STARD10: variants seen among roughly 807,000 people sequenced by gnomAD.
The protein encoded by STARD10 is StAR related lipid transfer domain containing 10.
A neutral mutation model predicts 36.0 loss-of-function variants in STARD10; 24 were observed. The observed-to-expected ratio is 0.67, with a 90% CI of 0.48 to 0.94. The LOEUF (loss-of-function observed/expected upper bound fraction) is 0.94. Among genes scored for constraint, STARD10 ranks in the 40% least tolerant of loss-of-function variants. The pLI, the probability that STARD10 is intolerant of heterozygous loss-of-function variation, is 0.00. For synonymous variants in STARD10, 156 were observed against 161.9 expected, an observed-to-expected ratio of 0.96 and a Z score of 0.28; for missense variants, 335 against 396.6, an observed-to-expected ratio of 0.84 and a Z score of 1.32.
In STARD10 at chr11:72,754,972, C is replaced by T. The variant is rs73543261; in HGVS notation, c.801G>A (p.Ala267=). 3.0e-3 allele frequency: 4,844 copies of T among 1,610,836 alleles called. 140 individuals are homozygous for T. The African/African-American group carries it at 0.056, about 19-fold the overall frequency. The change falls in exon 7 of 7, where the codon GCG becomes GCA. Residue 267 remains alanine, a synonymous_variant. Coordinates refer to ENST00000334805, the MANE Select transcript of STARD10 (RefSeq NM_006645.3). ...ADSLENIDES[A]VAESREERMG... is the part of the protein sequence containing the mutation. ...TCCGCTCCTCTCTGCTCTCGGCCAC[C>T]GCGCTCTCGTCGATGTTCTCCAGTG...
intron 2 of STARD10, among the ~76,000 whole-genome samples, chr11:72,772,897 A>T (rs185645746): frequency 6.6e-6 from 1 of 151,702 alleles, no homozygotes; most frequent in Non-Finnish European, 1.5e-5. Context: ...CCGTCCCCCA[A>T]CCATGCTGCC....
At chr11:72,755,986 T>G in intron 5 of STARD10, 1 of 457,016 alleles carries the variant, frequency 2.2e-6, no homozygotes, top group Non-Finnish European at 3.9e-6. Context: ...AAAGATTACG[T>G]GGAAGAAAAC....
At chr11:72,780,159 G>A (rs956544767) in intron 2 of STARD10, 3 of 448,756 alleles carry the variant, frequency 6.7e-6, no homozygotes, top group Admixed American at 2.4e-5. Flanking sequence ...CCTTAAACCA[G>A]AGTCTTCACG....
rs373490301 is a variant in STARD10 at position 72,767,004 on chromosome 11, T to C, written c.208-7623A>G. Reference sequence around the variant, plus strand: ...GACCACTGGGGAAACCTGGCTTCAGTTGGGCTCTGAAATATCCCACAGGCT... The same window carrying C: ...GACCACTGGGGAAACCTGGCTTCAGCTGGGCTCTGAAATATCCCACAGGCT... On this transcript the variant is annotated intron_variant, in intron 2 of 6. Coordinates refer to ENST00000334805, the MANE Select transcript of STARD10 (RefSeq NM_006645.3). Among the ~76,000 whole-genome samples, 9 of 152,250 alleles carry C rather than the reference T, an allele frequency of 5.9e-5. 1 individual carries two copies. The highest frequency in any genetic ancestry group is 2.6e-4 in the Admixed American group (4 of 15,292).
intron 1 of STARD10, among the ~76,000 whole-genome samples, chr11:72,782,719 A>C (rs995118798): frequency 6.6e-6 from 1 of 152,104 alleles, no homozygotes; most frequent in Non-Finnish European, 1.5e-5. Flanking sequence ...CATCCCTTCC[A>C]GCCAGGGAGG....
chr11:72,789,379 T>C (rs1180145046), intron 1 of STARD10, among the ~76,000 whole-genome samples: 1 of 152,160 alleles, frequency 6.6e-6, no homozygotes, highest in Admixed American at 6.5e-5. Context: ...CTGGAGGCAA[T>C]GATTTCTTTC....
In STARD10 at chr11:72,758,530, G is replaced by C; in HGVS notation, c.459C>G (p.Pro153=). Residue 153 remains proline (P), a splice_region_variant and synonymous_variant, in exon 4 of 7, where the codon CCC becomes CCG. Coordinates refer to ENST00000334805, the MANE Select transcript of STARD10 (RefSeq NM_006645.3). Reference sequence around the variant, plus strand: ...CCGCAGGGAAGGCAGGTTGACTCACGGGATGTTTGACTGAGTAGTTCATAA... The same window carrying C: ...CCGCAGGGAAGGCAGGTTGACTCACCGGATGTTTGACTGAGTAGTTCATAA... The part of the protein sequence containing the change: ...YIIMNYSVKH[P]KYPPRKDLVR... 1 of 1,613,018 alleles carries C rather than the reference G, an allele frequency of 6.2e-7. No homozygotes were observed. The highest frequency in any genetic ancestry group is 8.5e-7 in the Non-Finnish European group (1 of 1,179,184).
Position 72,781,011 on chromosome 11 carries a change from C to T in STARD10, c.171G>A (p.Gln57=), listed in dbSNP as rs761224170. The T allele has an allele frequency of 3.7e-6, 6 of 1,614,084 alleles. No individual in the cohort carries two copies. The African/African-American group carries it at 4.0e-5, about 11-fold the overall frequency. The change falls in exon 2 of 7, where the codon CAG becomes CAA. Residue 57 remains glutamine (Q), a synonymous_variant. Transcript: ENST00000334805. This position sits in a 1 kb window ranked among gnomAD's most constrained non-coding sequence, Gnocchi z 4.7. Reference sequence around the variant, plus strand: ...GCAGCGTCCGATCCATCTCCACAGCCTGCACCCAGACAGACACCCCAGCCC... The same window carrying T: ...GCAGCGTCCGATCCATCTCCACAGCTTGCACCCAGACAGACACCCCAGCCC... ...YSRAGVSVWV[Q]AVEMDRTLHK...
intron 2 of STARD10, among the ~76,000 whole-genome samples, chr11:72,773,777 T>C (rs1435400295): frequency 6.6e-6 from 1 of 152,212 alleles, no homozygotes; most frequent in African/African-American, 2.4e-5. Flanking sequence ...CTCGTCCTTA[T>C]GCACAACCAT....
In STARD10 at chr11:72,781,950, C is replaced by A. The variant is rs1346698345; in HGVS notation, c.-113-656G>T. The A allele has an allele frequency of 1.3e-5, 2 of 151,972 alleles. No homozygotes were observed. The highest frequency in any genetic ancestry group is 2.9e-5 in the Non-Finnish European group (2 of 67,960). The allele number at this position is 151,972 out of a possible 1,614,324, so 9.4% of individuals were successfully genotyped here. ...CCACCCCGCAGGGTCCTAGCGCCCG[C>A]CCCCGCCGGCCCTGGGAGGGGACCC... On this transcript the variant is annotated intron_variant, in intron 1 of 6. Coordinates refer to ENST00000334805, the MANE Select transcript of STARD10 (RefSeq NM_006645.3). This position sits in a 1 kb window ranked among gnomAD's most constrained non-coding sequence, Gnocchi z 4.7.
chr11:72,757,140 T>C, intron 5 of STARD10, among the ~76,000 whole-genome samples: 1 of 109,742 alleles, frequency 9.1e-6, no homozygotes, highest in African/African-American at 4.2e-5. Flanking sequence ...AGTGAAACTC[T>C]GTCTCAAAAA....
In STARD10 at chr11:72,757,889, G is replaced by A. The variant is rs772922265; in HGVS notation, c.460-5C>T. On this transcript the variant is annotated splice_polypyrimidine_tract_variant and splice_region_variant and intron_variant, in intron 4 of 6. Coordinates refer to ENST00000334805, the MANE Select transcript of STARD10 (RefSeq NM_006645.3). ...GTCTTTCCGAGGTGGGTATTTCTGG[G>A]GATGGAAGGCACAGGGAGGTGAGAC... 11 of 1,613,830 alleles carry A rather than the reference G, an allele frequency of 6.8e-6. No individual in the cohort carries two copies. Among genetic ancestry groups the A allele is most frequent in the Non-Finnish European group, 8.5e-6 (10 of 1,179,804 alleles).
At position 72,781,664 on chromosome 11, in the gene STARD10, C is replaced by T. The variant is rs1462079069; in HGVS notation, c.-113-370G>A. The T allele has an allele frequency of 1.4e-5, 2 of 148,094 alleles. No individual in the cohort carries two copies. Among genetic ancestry groups the T allele is most frequent in the African/African-American group, 4.9e-5 (2 of 40,922 alleles). 9.2% of individuals were successfully genotyped at this position (148,094 alleles called of 1,614,324 possible). Reference sequence around the variant, plus strand: ...GCGCCCTCCAGGCCGGGCTGCTCACCTTTGCCCGCCGCTCCGCCGGGGCCC... The same window carrying T: ...GCGCCCTCCAGGCCGGGCTGCTCACTTTTGCCCGCCGCTCCGCCGGGGCCC... On this transcript the variant is annotated intron_variant, in intron 1 of 6. Coordinates refer to ENST00000334805, the MANE Select transcript of STARD10 (RefSeq NM_006645.3). This position sits in a 1 kb window ranked among gnomAD's most constrained non-coding sequence, Gnocchi z 4.7.
intron 2 of STARD10, among the ~76,000 whole-genome samples, chr11:72,778,118 G>A (rs934905287): frequency 2.6e-5 from 4 of 152,238 alleles, no homozygotes; most frequent in South Asian, 2.1e-4. Context: ...ATAGGATGAT[G>A]AGAACAACGC....
At chr11:72,791,240 G>C (rs1859139598) in intron 1 of STARD10, among the ~76,000 whole-genome samples, 1 of 152,150 alleles carries the variant, frequency 6.6e-6, no homozygotes, top group Non-Finnish European at 1.5e-5. Flanking sequence ...CTGGTTAAAA[G>C]CCAGGTCTGA....
chr11:72,773,059 G>A (rs1282494028), intron 2 of STARD10, among the ~76,000 whole-genome samples: 1 of 152,196 alleles, frequency 6.6e-6, no homozygotes, highest in Non-Finnish European at 1.5e-5. Context: ...CAGGATGGGT[G>A]GGAGGCATGA....
At chr11:72,784,833 C>T (rs1455658066) in intron 1 of STARD10, among the ~76,000 whole-genome samples, 1 of 152,188 alleles carries the variant, frequency 6.6e-6, no homozygotes, top group Non-Finnish European at 1.5e-5. Flanking sequence ...TACGAGAAGG[C>T]GCTTGACAAA....
chr11:72,783,963 G>A (rs891651342), intron 1 of STARD10, among the ~76,000 whole-genome samples: 2 of 152,156 alleles, frequency 1.3e-5, no homozygotes, highest in African/African-American at 4.8e-5. Flanking sequence ...CAGTAAAGGT[G>A]GGCGACCTGG....
chr11:72,758,778 C>G (rs769493049), intron 3 of STARD10, 145 bp from the exon 4 acceptor site: 10 of 625,516 alleles, frequency 1.6e-5, no homozygotes, highest in Non-Finnish European at 2.0e-5. Flanking sequence ...GACCACAGTC[C>G]CACAGCTGGA....
Sources: allele counts gnomAD v4.1 joint callset (sites outside exome capture counted in the v4.1 genomes callset), GRCh38; gene constraint gnomAD v4.1.1; non-coding constraint Gnocchi (gnomAD v3.1); transcripts MANE v1.5; gene names NCBI Gene and HGNC (gene_info 2026-07-23, HGNC 2026-07-21).